Variants in NOXA1 observed in about 807,000 individuals in gnomAD.
The protein encoded by NOXA1 is NADPH oxidase activator 1.
In NOXA1, 56 loss-of-function variants were observed where a neutral mutation model predicts 64.8. The ratio of observed to expected loss-of-function variants is 0.86; its 90% CI spans 0.70 to 1.08. The LOEUF (loss-of-function observed/expected upper bound fraction) is 1.08, where lower values mean the gene tolerates loss of function less well. NOXA1 is among the 50% of genes least tolerant of loss of function. The pLI is 0.00. For missense variants in NOXA1, 668 were observed against 658.5 expected (o/e 1.01, Z -0.16); for synonymous variants, 295 against 294.8 (o/e 1.00, Z -0.01).
intron 1 of NOXA1, 37 bp downstream of exon 1, chr9:137,423,743 C>T: frequency 1.6e-6 from 2 of 1,235,806 alleles, no homozygotes. Flanking sequence ...CGGGCGACGC[C>T]TCCGCCTCGA....
chr9:137,427,699 TG>T (rs1043018603), intron 2 of NOXA1, among the ~76,000 whole-genome samples: 1 of 151,534 alleles, frequency 6.6e-6, no homozygotes, highest in Non-Finnish European at 1.5e-5. Flanking sequence ...CCCCATGGGG[TG>T]GGGGGCCTGA....
At chr9:137,433,659 TGAGG>T in intron 11 of NOXA1, 52 bp downstream of exon 11, 1 of 1,518,464 alleles carries the variant, frequency 6.6e-7, no homozygotes, top group Non-Finnish European at 8.9e-7. Flanking sequence ...CCGCCCCGAC[TGAGG>T]CAGCTGCTGG....
Position 137,425,147 on chromosome 9 carries a change from G to A in NOXA1, c.178-1101G>A, listed in dbSNP as rs944687740. The stretch of plus-strand genomic sequence containing the variant: ...CCACACTTCACACCTGTGTGAACTT[G>A]GTTCAACGACAAGCCCCCACTCAGC... On this transcript the variant is annotated intron_variant, in intron 1 of 13. Coordinates refer to ENST00000683555, the MANE Select transcript of NOXA1 (RefSeq NM_001256067.2). 2.6e-5 allele frequency among the ~76,000 whole-genome samples: 4 copies of A among 152,260 alleles called. No homozygotes were observed. In the East Asian group the frequency reaches 5.8e-4, roughly 22 times the overall value.
chr9:137,433,621 C>A lies in NOXA1; in HGVS notation c.1064+14C>A. ...TGGGCAACTCAGGTGGGCCAGAAAG[C>A]CCCCGGTGGCTGCGGTGGAGCTGGG... On this transcript the variant is annotated intron_variant, in intron 11 of 13. Transcript: ENST00000683555. 1.3e-6 allele frequency: 2 copies of A among 1,538,300 alleles called. No individual in the cohort carries two copies. Among genetic ancestry groups the A allele is most frequent in the Non-Finnish European group, 1.8e-6 (2 of 1,141,002 alleles).
intron 4 of NOXA1, 26 bp downstream of exon 4, chr9:137,429,042 T>A (rs1169473968): frequency 4.0e-6 from 6 of 1,513,648 alleles, no homozygotes; most frequent in Non-Finnish European, 5.3e-6. Flanking sequence ...CCGGTCATGG[T>A]TTTGGGCTGG....
Position 137,431,155 on chromosome 9 carries a change from C to T in NOXA1, c.698+55C>T. On this transcript the variant is annotated intron_variant, in intron 7 of 13. Transcript: ENST00000683555. The surrounding 1 kb of genome is among the most constrained non-coding windows in gnomAD (Gnocchi z 5.6). ...GCGTGCCTTTCCTGCTGGGCAGAGG[C>T]CCTCCACATGGGGCCACGCGGGCCG... The T allele has an allele frequency of 3.1e-6, 5 of 1,612,160 alleles. No homozygotes were observed. Among genetic ancestry groups the T allele is most frequent in the East Asian group, 2.2e-5 (1 of 44,880 alleles).
rs543914162 is a variant in NOXA1, at chr9:137,427,627, C to T, written c.261-406C>T. On this transcript the variant is annotated intron_variant, in intron 2 of 13. Transcript: ENST00000683555. The stretch of plus-strand genomic sequence containing the variant: ...AGCCCGCCTGGAGGAGAGGCCTCTC[C>T]GGCAGGCGCTGGGGAGCTCCCAGCA... 5.1e-3 allele frequency among the ~76,000 whole-genome samples: 770 copies of T among 152,338 alleles called. 2 individuals carry two copies. The highest frequency in any genetic ancestry group is 7.9e-3 in the Non-Finnish European group (535 of 68,024).
Position 137,433,224 on chromosome 9 carries a change from G to A in NOXA1, c.870G>A (p.Gly290=). ...CTACAGGGCTGCCGGCAATGGGGGG[G>A]CCTGGCCCCGGCCCCTGTGAGGACC... ...PLSPGLPAMG[G]PGPGPCEDPA... is the part of the protein sequence containing the mutation. The change falls in exon 10 of 14, where the codon GGG becomes GGA. Residue 290 remains glycine (G), a synonymous_variant. Coordinates refer to ENST00000683555, the MANE Select transcript of NOXA1 (RefSeq NM_001256067.2). 2 of 1,605,256 alleles carry A rather than the reference G, an allele frequency of 1.2e-6. No individual in the cohort carries two copies. Among genetic ancestry groups the A allele is most frequent in the East Asian group, 2.2e-5 (1 of 44,660 alleles).
At chr9:137,433,305 A>G (rs923096604) in intron 10 of NOXA1, 42 bp downstream of exon 10, 4 of 1,518,126 alleles carry the variant, frequency 2.6e-6, no homozygotes, top group Non-Finnish European at 3.5e-6. Flanking sequence ...CACCTGAGGG[A>G]GGCTGAGGCC....
At chr9:137,432,927 G>A in intron 8 of NOXA1, 102 bp from the exon 9 acceptor site, 1 of 1,309,442 alleles carries the variant, frequency 7.6e-7, no homozygotes, top group Non-Finnish European at 1.1e-6. Context: ...CTGGGTGCTG[G>A]CCGGGCACAC....
intron 1 of NOXA1, 70 bp from the exon 2 acceptor site, chr9:137,426,178 C>A: frequency 7.3e-7 from 1 of 1,375,070 alleles, no homozygotes; most frequent in African/African-American, 1.4e-5. Flanking sequence ...TGTCACCCAT[C>A]ACGCTGTATC....
Position 137,433,624 on chromosome 9 carries a change from C to T in NOXA1, c.1064+17C>T. On this transcript the variant is annotated intron_variant, in intron 11 of 13. Transcript: ENST00000683555. ...GCAACTCAGGTGGGCCAGAAAGCCC[C>T]CGGTGGCTGCGGTGGAGCTGGGCAC... The T allele has an allele frequency of 1.3e-6, 2 of 1,537,356 alleles. No individual in the cohort carries two copies. The highest frequency in any genetic ancestry group is 1.8e-6 in the Non-Finnish European group (2 of 1,140,214).
In NOXA1 at chr9:137,433,274, C is replaced by G. The variant is rs1219558464; in HGVS notation, c.909+11C>G. ...CCCGCGGGTGCTGGGGTAAGAGGCT[C>G]TAGACCCTTCACCTGTCAGTCACCT... On this transcript the variant is annotated intron_variant, in intron 10 of 13. Coordinates refer to ENST00000683555, the MANE Select transcript of NOXA1 (RefSeq NM_001256067.2). The G allele has an allele frequency of 1.3e-6, 2 of 1,563,616 alleles. No individual in the cohort carries two copies. The highest frequency in any genetic ancestry group is 1.7e-6 in the Non-Finnish European group (2 of 1,156,804).
At position 137,428,786 on chromosome 9, in the gene NOXA1, T is replaced by C. The variant is rs1033405189; in HGVS notation, c.370-96T>C. 3,747 of 974,406 alleles carry C rather than the reference T, an allele frequency of 3.8e-3. 4 individuals carry two copies. The highest frequency in any genetic ancestry group is 4.5e-3 in the Non-Finnish European group (3,544 of 793,032). The allele number at this position is 974,406 out of a possible 1,614,324, so 60.4% of individuals were successfully genotyped here. On this transcript the variant is annotated intron_variant, in intron 3 of 13. Transcript: ENST00000683555. ...CAGGTGGGGGGACTGGGGGAGGGGCTGGGTGGGCAGACCGAGGGAGGAGCT... is the reference window on the plus strand; with the variant it reads ...CAGGTGGGGGGACTGGGGGAGGGGCCGGGTGGGCAGACCGAGGGAGGAGCT...
chr9:137,430,998 C>T lies in NOXA1; in HGVS notation c.673-77C>T, dbSNP rs1705390162. The T allele has an allele frequency of 4.0e-5, 65 of 1,608,152 alleles. No homozygotes were observed. The South Asian group carries it at 6.7e-4, about 17-fold the overall frequency. On this transcript the variant is annotated intron_variant, in intron 6 of 13. Transcript: ENST00000683555. ...ATCCCTGTGTAAGACCTGGGGAAAC[C>T]ACTCTTCAAGGTTCAGGAGGAGGGA...
At position 137,431,766 on chromosome 9, in the gene NOXA1, G is replaced by GCTTTC. The variant is rs1839118258; in HGVS notation, c.804+425_804+426insCTTTC. Among the ~76,000 whole-genome samples, 1 of 152,166 alleles carries GCTTTC rather than the reference G, an allele frequency of 6.6e-6. No homozygotes were observed. The highest frequency in any genetic ancestry group is 1.5e-5 in the Non-Finnish European group (1 of 68,006). On this transcript the variant is annotated intron_variant, in intron 8 of 13. Transcript: ENST00000683555. This position sits in a 1 kb window ranked among gnomAD's most constrained non-coding sequence, Gnocchi z 5.6. ...GCCCAGCAGCGACTCCATCCCCCGA[G>GCTTTC]TCCTCCCGGACACCCCGGCACCTGG...
At chr9:137,430,748 TG>T in intron 5 of NOXA1, 35 bp from the exon 6 acceptor site, 1 of 1,574,204 alleles carries the variant, frequency 6.4e-7, no homozygotes, top group South Asian at 1.1e-5. Flanking sequence ...GCTGGGCCGC[TG>T]ATCCCTGACC....
At chr9:137,430,544 T>C (rs1233399454) in intron 5 of NOXA1, among the ~76,000 whole-genome samples, 1 of 152,262 alleles carries the variant, frequency 6.6e-6, no homozygotes, top group Non-Finnish European at 1.5e-5. Context: ...AGTAGAGTGC[T>C]GTTTATAAGA....
chr9:137,429,776 G>A (rs917302917), intron 5 of NOXA1, among the ~76,000 whole-genome samples: 35 of 137,478 alleles, frequency 2.5e-4, no homozygotes, highest in Admixed American at 4.5e-4. Context: ...TCCCGGGGGG[G>A]TCCCTGCGTC....
Sources: allele counts gnomAD v4.1 joint callset (sites outside exome capture counted in the v4.1 genomes callset), GRCh38; gene constraint gnomAD v4.1.1; non-coding constraint Gnocchi (gnomAD v3.1); transcripts MANE v1.5; gene names NCBI Gene and HGNC (gene_info 2026-07-23, HGNC 2026-07-21).